Variants in CRTC1 observed in about 807,000 individuals in gnomAD.
CRTC1 encodes the protein CREB-regulated transcription coactivator 1.
In CRTC1, 18 loss-of-function variants were observed where a neutral mutation model predicts 66.1. The ratio of observed to expected loss-of-function variants is 0.27; its 90% CI spans 0.19 to 0.40. The LOEUF (loss-of-function observed/expected upper bound fraction) is 0.40. CRTC1 is among the 10% of genes least tolerant of loss of function. The pLI is 1.00. For missense variants in CRTC1, 669 were observed against 887.9 expected (o/e 0.75, Z 3.13); for synonymous variants, 416 against 398.8 (o/e 1.04, Z -0.51).
chr19:18,732,734 G>T (rs1448197283), intron 1 of CRTC1, among the ~76,000 whole-genome samples: 1 of 152,116 alleles, frequency 6.6e-6, no homozygotes, highest in Non-Finnish European at 1.5e-5. Context: ...GGGAGTTGGG[G>T]TTTGCCTCTG....
In CRTC1 at chr19:18,759,936, G is replaced by A. The variant is rs908361386; in HGVS notation, c.666-72G>A. 5.4e-5 allele frequency: 67 copies of A among 1,243,852 alleles called. No homozygotes were observed. In the East Asian group the frequency reaches 1.3e-3, roughly 24 times the overall value. The allele number at this position is 1,243,852 out of a possible 1,614,324, so 77.1% of individuals were successfully genotyped here. On this transcript the variant is annotated intron_variant, in intron 7 of 13. Transcript: ENST00000321949. ...CTTTTGCACCCGCTGATTTTCTCCCGCCAGCCCCCTGTCCCCGCCGCCAGC... is the reference window on the plus strand; with the variant it reads ...CTTTTGCACCCGCTGATTTTCTCCCACCAGCCCCCTGTCCCCGCCGCCAGC...
chr19:18,754,822 G>A (rs1351654540), intron 6 of CRTC1, among the ~76,000 whole-genome samples: 1 of 152,210 alleles, frequency 6.6e-6, no homozygotes, highest in Non-Finnish European at 1.5e-5. Flanking sequence ...CAGCTGCACA[G>A]ATACCAGCAG....
intron 1 of CRTC1, among the ~76,000 whole-genome samples, chr19:18,719,456 G>C (rs773201189): frequency 6.6e-6 from 1 of 152,228 alleles, no homozygotes; most frequent in East Asian, 1.9e-4. Context: ...GCAGGCCCAG[G>C]ATCTGGCCTT....
chr19:18,722,017 G>A lies in CRTC1; in HGVS notation c.127-20893G>A, dbSNP rs114052876. Among the ~76,000 whole-genome samples the A allele has an allele frequency of 1.7e-3, 266 of 152,298 alleles. 2 individuals carry two copies. Among genetic ancestry groups the A allele is most frequent in the African/African-American group, 5.9e-3 (245 of 41,552 alleles). ...AGCACATGGGAGTACCTAGGTCACCGTGCAGCCGGGGTCTCAGCAGAGGCC... is the reference window on the plus strand; with the variant it reads ...AGCACATGGGAGTACCTAGGTCACCATGCAGCCGGGGTCTCAGCAGAGGCC... On this transcript the variant is annotated intron_variant, in intron 1 of 13. Coordinates refer to ENST00000321949, the MANE Select transcript of CRTC1 (RefSeq NM_015321.3).
At chr19:18,743,459 C>T (rs886521938) in intron 2 of CRTC1, among the ~76,000 whole-genome samples, 6 of 152,246 alleles carry the variant, frequency 3.9e-5, no homozygotes, top group Non-Finnish European at 5.9e-5. Flanking sequence ...GCAGGCCGCA[C>T]AGCCGCCGTG....
chr19:18,760,558 G>A lies in CRTC1; in HGVS notation c.886+330G>A, dbSNP rs1409443352. Among the ~76,000 whole-genome samples, 3 of 151,758 alleles carry A rather than the reference G, an allele frequency of 2.0e-5. No individual in the cohort carries two copies. Among genetic ancestry groups the A allele is most frequent in the African/African-American group, 7.3e-5 (3 of 41,278 alleles). The stretch of plus-strand genomic sequence containing the variant: ...CCAGGCCTTCCCTCCGCCCCTCCTC[G>A]ACCCCAGCCCCTCATTGGGGGGCGG... On this transcript the variant is annotated intron_variant, in intron 8 of 13. Transcript: ENST00000321949. The surrounding 1 kb of genome is among the most constrained non-coding windows in gnomAD (Gnocchi z 6.2).
chr19:18,697,921 G>A (rs2053031618), intron 1 of CRTC1, among the ~76,000 whole-genome samples: 2 of 152,256 alleles, frequency 1.3e-5, no homozygotes, highest in Non-Finnish European at 2.9e-5. Context: ...ATGTTCAGTA[G>A]GTGCCCAGTA....
intron 1 of CRTC1, among the ~76,000 whole-genome samples, chr19:18,708,650 A>G (rs955396466): frequency 6.6e-5 from 10 of 152,190 alleles, no homozygotes; most frequent in Non-Finnish European, 5.9e-5. Flanking sequence ...GTGACGTGAG[A>G]AACACAGAGG....
rs2055022614 is a variant in CRTC1 at position 18,777,623 on chromosome 19, G to GCCTCCCGCCCCTGCAGAC, written c.*248_*265dup. ...GCTGGGCTGGGATCGGAGGCCGTGA[G>GCCTCCCGCCCCTGCAGAC]CCTCCCGCCCCTGCAGACCCTCCCT... On this transcript the variant is annotated 3_prime_UTR_variant, in exon 14 of 14. Transcript: ENST00000321949. This position sits in a 1 kb window ranked among gnomAD's most constrained non-coding sequence, Gnocchi z 5.5. 1.2e-5 allele frequency: 6 copies of GCCTCCCGCCCCTGCAGAC among 516,286 alleles called. No homozygotes were observed. In the East Asian group the frequency reaches 2.1e-4, roughly 18 times the overall value. The allele number at this position is 516,286 out of a possible 1,614,324, so 32.0% of individuals were successfully genotyped here.
chr19:18,700,109 TCAC>T, intron 1 of CRTC1, among the ~76,000 whole-genome samples: 1 of 152,174 alleles, frequency 6.6e-6, no homozygotes, highest in East Asian at 1.9e-4. Context: ...CTGGGGAACG[TCAC>T]CACTATAGCG....
chr19:18,723,944 G>C (rs879733084), intron 1 of CRTC1, among the ~76,000 whole-genome samples: 3 of 152,238 alleles, frequency 2.0e-5, no homozygotes, highest in African/African-American at 7.2e-5. Flanking sequence ...GAGGATGCAC[G>C]TTGGCGTGTT....
At position 18,768,706 on chromosome 19, in the gene CRTC1, C is replaced by A. The variant is rs763561818; in HGVS notation, c.1233C>A (p.Pro411=). ...GCCTGACTCGTGGGCCACAGCCGCC[C>A]CCGCTTGCAGTCACGGTACCGTCCT... The part of the protein sequence containing the change: ...SASLTRGPQP[P]PLAVTVPSSL... Residue 411 remains proline (P), a synonymous_variant, in exon 10 of 14, where the codon CCC becomes CCA. Transcript: ENST00000321949. The surrounding 1 kb of genome is among the most constrained non-coding windows in gnomAD (Gnocchi z 5.6). 6.3e-7 allele frequency: 1 copy of A among 1,590,680 alleles called. No homozygotes were observed. Among genetic ancestry groups the A allele is most frequent in the Non-Finnish European group, 8.5e-7 (1 of 1,169,972 alleles).
In CRTC1 at chr19:18,778,597, T is replaced by C. The variant is rs1244700139; in HGVS notation, c.*1215T>C. 1 of 230,384 alleles carries C rather than the reference T, an allele frequency of 4.3e-6. No individual in the cohort carries two copies. The highest frequency in any genetic ancestry group is 8.6e-6 in the Non-Finnish European group (1 of 116,338). The allele number at this position is 230,384 out of a possible 1,614,324, so 14.3% of individuals were successfully genotyped here. On this transcript the variant is annotated 3_prime_UTR_variant, in exon 14 of 14. Transcript: ENST00000321949. ...CCTCTGCCAGGGCCACAGAACAGAC[T>C]TCCGGGAAGGGGCCTTGGCTTTTAT... is the stretch of plus-strand genomic sequence containing the variant.
rs374312155 is a variant in CRTC1, at chr19:18,777,413, G to T, written c.*31G>T. On this transcript the variant is annotated 3_prime_UTR_variant, in exon 14 of 14. Transcript: ENST00000321949. This position sits in a 1 kb window ranked among gnomAD's most constrained non-coding sequence, Gnocchi z 5.5. ...CACGCCGGCACCCTGCCGCTCAGCC[G>T]TCCCGACGGCGCCTCCCCAGCCCGG... is the stretch of plus-strand genomic sequence containing the variant. The T allele has an allele frequency of 1.5e-5, 24 of 1,587,078 alleles. No individual in the cohort carries two copies. The highest frequency in any genetic ancestry group is 2.0e-5 in the Non-Finnish European group (23 of 1,168,996).
At chr19:18,719,628 C>T (rs912516965) in intron 1 of CRTC1, among the ~76,000 whole-genome samples, 12 of 152,236 alleles carry the variant, frequency 7.9e-5, no homozygotes, top group Non-Finnish European at 1.6e-4. Flanking sequence ...CTCAGAGAGG[C>T]GGGTTCAGCC....
At chr19:18,696,122 G>T (rs138632378) in intron 1 of CRTC1, among the ~76,000 whole-genome samples, 9 of 152,328 alleles carry the variant, frequency 5.9e-5, no homozygotes, top group Non-Finnish European at 1.3e-4. Flanking sequence ...TGGGAGACAG[G>T]CCCGGAGAGC....
rs1428883768 is a variant in CRTC1 at position 18,771,392 on chromosome 19, C to T, written c.1321-50C>T. On this transcript the variant is annotated intron_variant, in intron 10 of 13. Transcript: ENST00000321949. The surrounding 1 kb of genome is among the most constrained non-coding windows in gnomAD (Gnocchi z 4.6). ...GCTCCCGGGAAGCAGGGACTGGAGC[C>T]CGGGCTTGGGCAGCTGGGCTGCGGC... 6.6e-7 allele frequency: 1 copy of T among 1,516,146 alleles called. No individual in the cohort carries two copies. The highest frequency in any genetic ancestry group is 9.0e-7 in the Non-Finnish European group (1 of 1,115,188). 93.9% of individuals were successfully genotyped at this position (1,516,146 alleles called of 1,614,324 possible). A position where few individuals can be genotyped will look rare whatever the true frequency, so the allele number is the denominator to read the frequency against.
intron 1 of CRTC1, among the ~76,000 whole-genome samples, chr19:18,705,890 G>A (rs1366549500): frequency 1.3e-5 from 2 of 149,632 alleles, no homozygotes; most frequent in African/African-American, 2.5e-5. Context: ...CTTTTCATGT[G>A]CTTCTTGGCC....
chr19:18,735,189 G>A (rs1252499933), intron 1 of CRTC1, among the ~76,000 whole-genome samples: 2 of 152,176 alleles, frequency 1.3e-5, no homozygotes, highest in South Asian at 2.1e-4. Context: ...TGCAGCCTCC[G>A]ACATCACTTG....
Sources: allele counts gnomAD v4.1 joint callset (sites outside exome capture counted in the v4.1 genomes callset), GRCh38; gene constraint gnomAD v4.1.1; non-coding constraint Gnocchi (gnomAD v3.1); transcripts MANE v1.5; gene names NCBI Gene and HGNC (gene_info 2026-07-23, HGNC 2026-07-21).